Variants in CACNA1C observed in about 807,000 individuals in gnomAD.
CACNA1C encodes calcium voltage-gated channel subunit alpha1 C, also known as voltage-dependent L-type calcium channel subunit alpha-1C.
In CACNA1C, 30 loss-of-function variants were observed where a neutral mutation model predicts 229.0. The observed-to-expected ratio is 0.13, with a 90% CI of 0.10 to 0.18. CACNA1C has a LOEUF of 0.18. Ranked by LOEUF, CACNA1C falls within the 10% of genes least tolerant of loss-of-function variation. CACNA1C has a pLI of 1.00. For missense variants in CACNA1C, 1,658 were observed against 2,845.0 expected (o/e 0.58, Z 9.49); for synonymous variants, 1,114 against 1,132.5 (o/e 0.98, Z 0.33).
chr12:2,238,258 G>A (rs1182305317), intron 3 of CACNA1C, among the ~76,000 whole-genome samples: 3 of 152,200 alleles, frequency 2.0e-5, no homozygotes, highest in Non-Finnish European at 4.4e-5. Flanking sequence ...GGAGTGACGA[G>A]GTAACTAGGT....
chr12:2,005,930 A>G (rs1159552768), intron 1 of CACNA1C, among the ~76,000 whole-genome samples: 2 of 152,158 alleles, frequency 1.3e-5, no homozygotes. Context: ...TGTCTGAAAA[A>G]CTCTATTAAA....
At chr12:2,257,340 G>A (rs148462376) in intron 3 of CACNA1C, among the ~76,000 whole-genome samples, 33 of 152,258 alleles carry the variant, frequency 2.2e-4, no homozygotes, top group East Asian at 1.9e-4. Flanking sequence ...CTAGCACAGC[G>A]GTCTCCAACC....
chr12:2,605,849 G>C lies in CACNA1C; in HGVS notation c.3156+63G>C. ...CTCCCATCAGCATTCCTGGGGAAGG[G>C]AACTGGCAGATATAGTACAAACGAG... On this transcript the variant is annotated intron_variant, in intron 24 of 46. Transcript: ENST00000399655. The surrounding 1 kb of genome is among the most constrained non-coding windows in gnomAD (Gnocchi z 6.2). 1 of 1,128,418 alleles carries C rather than the reference G, an allele frequency of 8.9e-7. No individual in the cohort carries two copies. The highest frequency in any genetic ancestry group is 1.4e-6 in the Non-Finnish European group (1 of 739,088). 69.9% of individuals were successfully genotyped at this position (1,128,418 alleles called of 1,614,324 possible).
chr12:2,263,416 G>C (rs1312193114), intron 3 of CACNA1C, among the ~76,000 whole-genome samples: 1 of 152,182 alleles, frequency 6.6e-6, no homozygotes, highest in African/African-American at 2.4e-5. Flanking sequence ...TTAGGGTCTT[G>C]TAAGTCATTG....
intron 3 of CACNA1C, among the ~76,000 whole-genome samples, chr12:2,361,094 G>T (rs1487808000): frequency 2.0e-5 from 3 of 151,874 alleles, no homozygotes; most frequent in Non-Finnish European, 2.9e-5. Context: ...GACTAGGAAG[G>T]TTGGGGGGCT....
At chr12:2,372,887 C>T (rs886899571) in intron 3 of CACNA1C, among the ~76,000 whole-genome samples, 4 of 152,228 alleles carry the variant, frequency 2.6e-5, no homozygotes, top group Admixed American at 6.5e-5. Flanking sequence ...GCCAGGGGCT[C>T]GTTAGCAATG....
chr12:1,979,635 C>T (rs137973945), intron 1 of CACNA1C, among the ~76,000 whole-genome samples: 116 of 152,322 alleles, frequency 7.6e-4, no homozygotes, highest in Middle Eastern at 3.4e-3. Flanking sequence ...TAAATAACTA[C>T]GAACGGAACT....
chr12:2,175,513 C>T (rs1004752146), intron 3 of CACNA1C, among the ~76,000 whole-genome samples: 1 of 152,074 alleles, frequency 6.6e-6, no homozygotes, highest in African/African-American at 2.4e-5. Context: ...CAAGGATGTG[C>T]CAGCTGTGGT....
intron 13 of CACNA1C, among the ~76,000 whole-genome samples, chr12:2,578,070 G>T (rs371982471): frequency 6.6e-6 from 1 of 151,740 alleles, no homozygotes; most frequent in Non-Finnish European, 1.5e-5. Flanking sequence ...GGGTTTCACC[G>T]TGTTAGCCAG....
chr12:2,552,903 G>A (rs143531277), intron 10 of CACNA1C, among the ~76,000 whole-genome samples: 23 of 152,274 alleles, frequency 1.5e-4, no homozygotes, highest in African/African-American at 5.3e-4. Context: ...TGTAATAAAG[G>A]CAAGGGCAAA....
intron 1 of CACNA1C, among the ~76,000 whole-genome samples, chr12:2,074,318 T>C (rs2062399143): frequency 6.6e-6 from 1 of 152,144 alleles, no homozygotes; most frequent in African/African-American, 2.4e-5. Flanking sequence ...AAATAATACT[T>C]TATAGTTTTA....
intron 5 of CACNA1C, among the ~76,000 whole-genome samples, chr12:2,460,327 G>T (rs111326360): frequency 6.6e-6 from 1 of 152,258 alleles, no homozygotes; most frequent in African/African-American, 2.4e-5. Context: ...GGGCCAAGAA[G>T]TGTGCTGTAC....
intron 5 of CACNA1C, among the ~76,000 whole-genome samples, chr12:2,474,057 G>A (rs1567897294): frequency 6.6e-6 from 1 of 151,914 alleles, no homozygotes; most frequent in Non-Finnish European, 1.5e-5. Context: ...AAAATCATTA[G>A]AGAGGTATAA....
chr12:2,218,758 A>G (rs1235682184), intron 3 of CACNA1C, among the ~76,000 whole-genome samples: 1 of 152,242 alleles, frequency 6.6e-6, no homozygotes, highest in Non-Finnish European at 1.5e-5. Flanking sequence ...AGAACAACAG[A>G]AAATACAAAA....
chr12:2,125,855 G>A (rs961259894), intron 3 of CACNA1C, among the ~76,000 whole-genome samples: 2 of 152,144 alleles, frequency 1.3e-5, no homozygotes, highest in African/African-American at 4.8e-5. Context: ...GACGACACAC[G>A]TCAACTGCTG....
intron 1 of CACNA1C, among the ~76,000 whole-genome samples, chr12:2,038,896 CCCT>C (rs1402188608): frequency 6.6e-6 from 1 of 151,776 alleles, no homozygotes; most frequent in African/African-American, 2.4e-5. Context: ...CAGGTGAAAT[CCCT>C]TAACATAAAT....
rs184796353 is a variant in CACNA1C, at chr12:2,408,086, G to T, written c.478-40890G>T. On this transcript the variant is annotated intron_variant, in intron 3 of 46. Coordinates refer to ENST00000399655, the MANE Select transcript of CACNA1C (RefSeq NM_000719.7). ...GGGGAACCAGGAATTTCCAACACACGCTACAACATGGGTGAACCTTGAAAA... is the reference window on the plus strand; with the variant it reads ...GGGGAACCAGGAATTTCCAACACACTCTACAACATGGGTGAACCTTGAAAA... Among the ~76,000 whole-genome samples the T allele has an allele frequency of 3.6e-3, 551 of 152,282 alleles. 4 individuals carry two copies. Among genetic ancestry groups the T allele is most frequent in the Non-Finnish European group, 6.7e-3 (456 of 68,020 alleles).
chr12:2,627,421 T>C (rs73243550), intron 29 of CACNA1C, among the ~76,000 whole-genome samples: 5,045 of 152,160 alleles, frequency 0.033, 286 homozygotes, highest in African/African-American at 0.12. Flanking sequence ...AGACACGCAC[T>C]GAGACTTCAC....
At chr12:2,511,622 C>T (rs564805244) in intron 8 of CACNA1C, among the ~76,000 whole-genome samples, 3 of 152,162 alleles carry the variant, frequency 2.0e-5, no homozygotes, top group South Asian at 4.2e-4. Flanking sequence ...CACCAAGGGC[C>T]TCATTCCCCA....
Sources: allele counts gnomAD v4.1 joint callset (sites outside exome capture counted in the v4.1 genomes callset), GRCh38; gene constraint gnomAD v4.1.1; non-coding constraint Gnocchi (gnomAD v3.1); transcripts MANE v1.5; gene names NCBI Gene and HGNC (gene_info 2026-07-23, HGNC 2026-07-21).